Variants in MYH7 observed in about 807,000 individuals in gnomAD.
MYH7 encodes myosin-7.
A neutral mutation model predicts 225.4 loss-of-function variants in MYH7; 129 were observed. The ratio of observed to expected loss-of-function variants is 0.57; its 90% CI spans 0.50 to 0.66. The LOEUF (loss-of-function observed/expected upper bound fraction) is 0.66. Ranked by LOEUF, MYH7 falls within the 30% of genes least tolerant of loss-of-function variation. The pLI is 0.00. For missense variants in MYH7, 1,649 were observed against 2,517.0 expected, an observed-to-expected ratio of 0.66 and a Z score of 7.38; for synonymous variants, 971 against 1,007.6, an observed-to-expected ratio of 0.96 and a Z score of 0.69.
chr14:23,423,486 CAG>C (rs1197081636), intron 24 of MYH7, 59 bp downstream of exon 24: 12 of 1,443,674 alleles, frequency 8.3e-6, no homozygotes, highest in South Asian at 4.6e-5. Context: ...CACACACACA[CAG>C]AGCTCTGGGC....
chr14:23,425,520 G>A lies in MYH7; in HGVS notation c.2287-102C>T, dbSNP rs2138667532. 2.5e-6 allele frequency: 4 copies of A among 1,594,810 alleles called. No homozygotes were observed. The highest frequency in any genetic ancestry group is 1.7e-5 in the Admixed American group (1 of 58,508). ...GGTAACAGCCTAGAAAAGGATTGCAGGGAGGAGGTCAATGGCAGCTGGAGC... is the reference window on the plus strand; with the variant it reads ...GGTAACAGCCTAGAAAAGGATTGCAAGGAGGAGGTCAATGGCAGCTGGAGC... On this transcript the variant is annotated intron_variant, in intron 20 of 39. Transcript: ENST00000355349. The surrounding 1 kb of genome is among the most constrained non-coding windows in gnomAD (Gnocchi z 4.6).
intron 26 of MYH7, among the ~76,000 whole-genome samples, chr14:23,420,637 C>T (rs1369153144): frequency 1.3e-5 from 2 of 152,212 alleles, no homozygotes; most frequent in African/African-American, 4.8e-5. Flanking sequence ...TCGAAGGACT[C>T]TTAAAAACCT....
rs757090529 is a variant in MYH7 at position 23,416,125 on chromosome 14, G to A, written c.4832C>T (p.Ala1611Val). 2.2e-5 allele frequency: 36 copies of A among 1,613,948 alleles called. No homozygotes were observed. The highest frequency in any genetic ancestry group is 1.7e-4 in the Middle Eastern group (1 of 6,054). Residue 1611 changes from alanine (A) to valine (V), a missense_variant, in exon 34 of 40, where the codon GCC becomes GTC. By Grantham distance (64) the Ala-to-Val change is moderately conservative. This residue lies in a region of MYH7 where 687 missense variants were observed against 913.8 expected (regional missense o/e 0.75). Transcript: ENST00000355349. ...TTCCATCTTCTTCTTCACCCTCAGG[G>A]CCTCGTTGCGGCTGCGTGTCTCTGC... The part of the protein sequence containing the change: ...LDAETRSRNE[A>V]LRVKKKMEGD...
At chr14:23,422,351 A>G (rs1892509269) in intron 24 of MYH7, 26 bp from the exon 25 acceptor site, 1 of 1,614,086 alleles carries the variant, frequency 6.2e-7, no homozygotes, top group Non-Finnish European at 8.5e-7. Flanking sequence ...AGCCAGGCCC[A>G]GTGAGGCAAA....
chr14:23,415,434 C>T lies in MYH7; in HGVS notation c.5230G>A (p.Ala1744Thr). The T allele has an allele frequency of 6.2e-7, 1 of 1,614,232 alleles. No homozygotes were observed. Among genetic ancestry groups the T allele is most frequent in the South Asian group, 1.1e-5 (1 of 91,084 alleles). Residue 1744 changes from alanine (A) to threonine (T), a missense_variant, in exon 36 of 40, where the codon GCA (alanine) becomes ACA (threonine). Physicochemically the swap from Ala to Thr is moderately conservative, Grantham distance 58. This residue lies in a region of MYH7 where 687 missense variants were observed against 913.8 expected (regional missense o/e 0.75). Transcript: ENST00000355349. The surrounding 1 kb of genome is among the most constrained non-coding windows in gnomAD (Gnocchi z 6.3). ...TCAGCATTCCTGCACTCCTGCACTGCCTCCTCCACTTCAGTCTGGAGCTGG... is the reference window on the plus strand; with the variant it reads ...TCAGCATTCCTGCACTCCTGCACTGTCTCCTCCACTTCAGTCTGGAGCTGG... Reference protein sequence around the residue: ...LSQLQTEVEEAVQECRNAEEK... With the variant: ...LSQLQTEVEETVQECRNAEEK...
At chr14:23,432,354 G>A in intron 6 of MYH7, 125 bp downstream of exon 6, 1 of 1,183,112 alleles carries the variant, frequency 8.5e-7, no homozygotes, top group South Asian at 1.2e-5. Context: ...CAGAGAAGAA[G>A]GAGATGGGCA....
intron 27 of MYH7, 21 bp downstream of exon 27, chr14:23,419,824 G>C: frequency 6.2e-7 from 1 of 1,613,964 alleles, no homozygotes; most frequent in African/African-American, 1.3e-5. Context: ...GTTGGAGGAG[G>C]GGAGGCCGAG....
intron 16 of MYH7, 25 bp from the exon 17 acceptor site, chr14:23,427,332 G>T (rs772348087): frequency 6.2e-7 from 1 of 1,613,674 alleles, no homozygotes; most frequent in Non-Finnish European, 8.5e-7. Flanking sequence ...GTCAACAAAA[G>T]AAGCATCAGT....
Position 23,419,184 on chromosome 14 carries a change from T to A in MYH7, c.3965A>T (p.Glu1322Val). ...LEDLKRQLEEEVKAKNALAHA... is the reference protein window; with the variant it reads ...LEDLKRQLEEVVKAKNALAHA... Reference sequence around the variant, plus strand: ...CCCGAGTCTAGCCCTTACCTTAACCTCCTCCTCCAGCTGCCTCTTGAGGTC... The same window carrying A: ...CCCGAGTCTAGCCCTTACCTTAACCACCTCCTCCAGCTGCCTCTTGAGGTC... Residue 1322 changes from glutamate to valine, a missense_variant, in exon 29 of 40, where the codon GAG (glutamate) becomes GTG (valine). Transcript: ENST00000355349. 6.2e-7 allele frequency: 1 copy of A among 1,614,162 alleles called. No homozygotes were observed. Among genetic ancestry groups the A allele is most frequent in the Non-Finnish European group, 8.5e-7 (1 of 1,180,002 alleles).
intron 29 of MYH7, 131 bp from the exon 30 acceptor site, chr14:23,418,537 G>T (rs1892330922): frequency 9.0e-7 from 1 of 1,106,260 alleles, no homozygotes; most frequent in Non-Finnish European, 1.3e-6. Context: ...CAGTGGACCT[G>T]TCATGGTTTA....
In MYH7 at chr14:23,433,722, G is replaced by A. The variant is rs758659692; in HGVS notation, c.11C>T (p.Ser4Leu). MGD[S>L]EMAVFGAAAP... ...GGCAGCCCCAAAGACTGCCATCTCC[G>A]AATCTCCCATGGCTGTGCCTGGAGT... Residue 4 changes from serine (S) to leucine (L), a missense_variant, in exon 3 of 40, where the codon TCG (serine) becomes TTG (leucine). By Grantham distance (145) the Ser-to-Leu change is moderately radical (BLOSUM62 -2). Transcript: ENST00000355349. This position sits in a 1 kb window ranked among gnomAD's most constrained non-coding sequence, Gnocchi z 4.1. The A allele has an allele frequency of 2.7e-5, 44 of 1,613,852 alleles. No individual in the cohort carries two copies. The highest frequency in any genetic ancestry group is 6.7e-5 in the Admixed American group (4 of 60,002).
At position 23,433,299 on chromosome 14, in the gene MYH7, G is replaced by T; in HGVS notation, c.202-72C>A. 6.2e-7 allele frequency: 1 copy of T among 1,606,602 alleles called. No homozygotes were observed. On this transcript the variant is annotated intron_variant, in intron 3 of 39. Coordinates refer to ENST00000355349, the MANE Select transcript of MYH7 (RefSeq NM_000257.4). The surrounding 1 kb of genome is among the most constrained non-coding windows in gnomAD (Gnocchi z 4.1). The stretch of plus-strand genomic sequence containing the variant: ...TCCTTCCTCAAGAGGGTTAGGAGTT[G>T]GTGAGTGACAGGGCAATAGTGCTCA...
intron 6 of MYH7, 70 bp from the exon 7 acceptor site, chr14:23,431,939 G>C (rs1892963968): frequency 6.6e-7 from 1 of 1,505,956 alleles, no homozygotes; most frequent in Admixed American, 1.7e-5. Flanking sequence ...AATCAGGAGA[G>C]AATGCCTGGG....
chr14:23,429,151 A>G, intron 13 of MYH7, 47 bp from the exon 14 acceptor site: 4 of 1,614,172 alleles, frequency 2.5e-6, no homozygotes, highest in Non-Finnish European at 3.4e-6. Context: ...TGTTGGGAAG[A>G]GTGAACTTGA....
intron 16 of MYH7, 91 bp from the exon 17 acceptor site, chr14:23,427,398 C>T: frequency 6.5e-7 from 1 of 1,539,990 alleles, no homozygotes; most frequent in Non-Finnish European, 8.9e-7. Context: ...TCCTTGCTGG[C>T]ATTTGGCCCC....
At position 23,415,148 on chromosome 14, in the gene MYH7, C is replaced by A; in HGVS notation, c.5406G>T (p.Gln1802His). ...DLQHRLDEAE[Q>H]IALKGGKKQL... Reference sequence around the variant, plus strand: ...GCTTCTTGCCGCCCTTGAGGGCGATCTGCTCGGCTTCGTCCAGCCGGTGCT... The same window carrying A: ...GCTTCTTGCCGCCCTTGAGGGCGATATGCTCGGCTTCGTCCAGCCGGTGCT... The change falls in exon 37 of 40, where the codon CAG becomes CAT. Residue 1802 changes from glutamine (Q) to histidine (H), a missense_variant. Physicochemically the swap from Gln to His is conservative, Grantham distance 24 (BLOSUM62 0). Around this residue, in one of 12 missense-constraint regions of MYH7, gnomAD observed 687 missense variants for 913.8 expected, o/e 0.75. Coordinates refer to ENST00000355349, the MANE Select transcript of MYH7 (RefSeq NM_000257.4). The surrounding 1 kb of genome is among the most constrained non-coding windows in gnomAD (Gnocchi z 6.3). 6.2e-7 allele frequency: 1 copy of A among 1,614,204 alleles called. No individual in the cohort carries two copies. The highest frequency in any genetic ancestry group is 8.5e-7 in the Non-Finnish European group (1 of 1,180,046).
intron 4 of MYH7, 26 bp from the exon 5 acceptor site, chr14:23,432,821 T>C: frequency 6.2e-7 from 1 of 1,613,958 alleles, no homozygotes; most frequent in Non-Finnish European, 8.5e-7. Context: ...GAGCAGTGAC[T>C]TGCCAGTTGC....
Position 23,425,656 on chromosome 14 carries a change from G to C in MYH7, c.2286+39C>G, listed in dbSNP as rs1892664693. On this transcript the variant is annotated intron_variant, in intron 20 of 39. Coordinates refer to ENST00000355349, the MANE Select transcript of MYH7 (RefSeq NM_000257.4). This position sits in a 1 kb window ranked among gnomAD's most constrained non-coding sequence, Gnocchi z 4.6. Reference sequence around the variant, plus strand: ...AAGCATCAGAGGAGTCAATGGAAAAGAGATGTCTTCCTTTAATTAATTAGT... The same window carrying C: ...AAGCATCAGAGGAGTCAATGGAAAACAGATGTCTTCCTTTAATTAATTAGT... 2 of 1,613,682 alleles carry C rather than the reference G, an allele frequency of 1.2e-6. No homozygotes were observed. The highest frequency in any genetic ancestry group is 1.7e-6 in the Non-Finnish European group (2 of 1,179,794).
intron 18 of MYH7, among the ~76,000 whole-genome samples, chr14:23,426,452 T>C (rs1021081672): frequency 6.6e-6 from 1 of 152,196 alleles, no homozygotes; most frequent in South Asian, 2.1e-4. Context: ...ACAATTTGAA[T>C]ATGTCTCATT....
Sources: gnomAD v4.1 joint callset for allele counts (sites outside exome capture counted in the v4.1 genomes callset) on GRCh38, gnomAD v4.1.1 for gene constraint, gnomAD v4.1.1 regional missense constraint, Gnocchi (gnomAD v3.1) non-coding constraint, MANE v1.5 for transcripts, NCBI Gene and HGNC (gene_info 2026-07-23, HGNC 2026-07-21) for gene names.